Variants in NFATC1 observed in about 807,000 individuals in gnomAD.
NFATC1 encodes the protein nuclear factor of activated T cells 1, also known as nuclear factor of activated T-cells, cytoplasmic 1.
Under a neutral mutation model 76.0 loss-of-function variants are expected in NFATC1, and 22 were observed. The observed-to-expected ratio is 0.29, with a 90% CI of 0.21 to 0.41. The LOEUF (loss-of-function observed/expected upper bound fraction) is 0.41, where lower values mean the gene tolerates loss of function less well. NFATC1 is among the 10% of genes least tolerant of loss of function. NFATC1 has a pLI of 1.00. For synonymous variants in NFATC1, 704 were observed against 613.1 expected, an observed-to-expected ratio of 1.15 and a Z score of -2.19; for missense variants, 1,357 against 1,337.7, an observed-to-expected ratio of 1.01 and a Z score of -0.23.
In NFATC1 at chr18:79,528,189, C is replaced by T; in HGVS notation, c.*612C>T. The T allele has an allele frequency of 2.7e-6, 1 of 369,198 alleles. No homozygotes were observed. Among genetic ancestry groups the T allele is most frequent in the East Asian group, 3.9e-5 (1 of 25,478 alleles). The allele number at this position is 369,198 out of a possible 1,614,324, so 22.9% of individuals were successfully genotyped here. On this transcript the variant is annotated 3_prime_UTR_variant, in exon 10 of 10. Coordinates refer to ENST00000427363, the MANE Select transcript of NFATC1 (RefSeq NM_001278669.2). Reference sequence around the variant, plus strand: ...AATCTTCCAGTCTGTCATCTCAGCTCTTTTGTAACATGCTTCCCTTGTCTG... The same window carrying T: ...AATCTTCCAGTCTGTCATCTCAGCTTTTTTGTAACATGCTTCCCTTGTCTG...
chr18:79,402,091 T>G (rs1289915390), intron 1 of NFATC1, among the ~76,000 whole-genome samples: 1 of 152,162 alleles, frequency 6.6e-6, no homozygotes, highest in African/African-American at 2.4e-5. Context: ...GCACCCCCAG[T>G]GACAAGGGCC....
At chr18:79,456,702 C>T (rs576234531) in intron 6 of NFATC1, among the ~76,000 whole-genome samples, 2 of 152,206 alleles carry the variant, frequency 1.3e-5, no homozygotes, top group Admixed American at 6.5e-5. Flanking sequence ...AGGAGCGGGC[C>T]GAGGAGGAAG....
At chr18:79,458,030 C>T (rs977877849) in intron 6 of NFATC1, among the ~76,000 whole-genome samples, 9 of 152,350 alleles carry the variant, frequency 5.9e-5, no homozygotes, top group African/African-American at 1.9e-4. Context: ...GTGGAAAAGC[C>T]GCCATGAACC....
At chr18:79,492,960 C>G (rs2089732075) in intron 9 of NFATC1, among the ~76,000 whole-genome samples, 1 of 142,248 alleles carries the variant, frequency 7.0e-6, no homozygotes, top group Non-Finnish European at 1.5e-5. Flanking sequence ...TTTCTACTCC[C>G]AAGTTTTGTT....
At chr18:79,476,683 C>G (rs1324740618) in intron 8 of NFATC1, among the ~76,000 whole-genome samples, 1 of 152,220 alleles carries the variant, frequency 6.6e-6, no homozygotes, top group Non-Finnish European at 1.5e-5. Context: ...AAAGGGAATT[C>G]TCTCACCCCG....
chr18:79,498,076 GGA>G (rs1491012530), intron 9 of NFATC1: 10 of 143,708 alleles, frequency 7.0e-5, no homozygotes, highest in African/African-American at 1.5e-4. Context: ...TGGGGGGGGG[GGA>G]ATCTCATTTC....
intron 2 of NFATC1, chr18:79,422,247 G>A (rs1030065784): frequency 2.6e-5 from 4 of 152,226 alleles, no homozygotes; most frequent in Admixed American, 6.5e-5. Flanking sequence ...ATTAACTTGT[G>A]CAATATGACA....
chr18:79,453,226 C>T (rs912499836), intron 6 of NFATC1, among the ~76,000 whole-genome samples: 2 of 152,204 alleles, frequency 1.3e-5, no homozygotes, highest in Non-Finnish European at 2.9e-5. Context: ...CAAGACTGGC[C>T]AGAACCGTGG....
At chr18:79,507,974 T>C (rs901754126) in intron 9 of NFATC1, among the ~76,000 whole-genome samples, 4 of 152,346 alleles carry the variant, frequency 2.6e-5, no homozygotes, top group South Asian at 2.1e-4. Flanking sequence ...TTATGTACTT[T>C]CCCTTTTCCA....
Position 79,455,240 on chromosome 18 carries a change from C to T in NFATC1, c.1903+3424C>T, listed in dbSNP as rs576827065. On this transcript the variant is annotated intron_variant, in intron 6 of 9. Transcript: ENST00000427363. ...GTGTCGCTGCGCGGAAGCCACACTA[C>T]GACGCCGGGGGTGAAGACTCCCACT... Among the ~76,000 whole-genome samples, 19 of 152,360 alleles carry T rather than the reference C, an allele frequency of 1.2e-4. No individual in the cohort carries two copies. The East Asian group carries it at 2.1e-3, about 17-fold the overall frequency.
chr18:79,396,557 G>C (rs1253989658), intron 1 of NFATC1, among the ~76,000 whole-genome samples: 5 of 152,156 alleles, frequency 3.3e-5, no homozygotes, highest in Admixed American at 3.3e-4. Flanking sequence ...CGCGCCTTCT[G>C]CCAATAGGTG....
chr18:79,452,540 C>T (rs1245767308), intron 6 of NFATC1, among the ~76,000 whole-genome samples: 1 of 152,152 alleles, frequency 6.6e-6, no homozygotes, highest in East Asian at 1.9e-4. Context: ...CAGTTCCATG[C>T]AGACGCCGGG....
intron 1 of NFATC1, among the ~76,000 whole-genome samples, chr18:79,402,064 C>G (rs1298966303): frequency 7.9e-5 from 12 of 152,256 alleles, no homozygotes; most frequent in Non-Finnish European, 1.8e-4. Flanking sequence ...CTGTGTCTGG[C>G]TTGGCACGTG....
chr18:79,461,186 CG>C, intron 6 of NFATC1, 124 bp from the exon 7 acceptor site: 1 of 1,062,478 alleles, frequency 9.4e-7, no homozygotes, highest in South Asian at 1.4e-5. Context: ...GATGGGCCTA[CG>C]TGGGTCTCCT....
In NFATC1 at chr18:79,527,543, G is replaced by A. The variant is rs138427349; in HGVS notation, c.2798G>A (p.Arg933Gln). 4.4e-5 allele frequency: 71 copies of A among 1,613,922 alleles called. No individual in the cohort carries two copies. The highest frequency in any genetic ancestry group is 5.3e-5 in the African/African-American group (4 of 75,038). Residue 933 changes from arginine (R) to glutamine (Q), a missense_variant, in exon 10 of 10, where the codon CGA becomes CAA. Physicochemically the swap from Arg to Gln is conservative, Grantham distance 43 (BLOSUM62 1). Transcript: ENST00000427363. ...TTTCTTACAGTAAATGAAATAATAC[G>A]AAATGACCTCTCCAGCACGAGCACC... ...LYLDDVNEII[R>Q]NDLSSTSTHS
intron 2 of NFATC1, among the ~76,000 whole-genome samples, chr18:79,427,210 C>G (rs1032637898): frequency 6.6e-6 from 1 of 152,204 alleles, no homozygotes; most frequent in African/African-American, 2.4e-5. Flanking sequence ...GTAAAGTTTT[C>G]AAGACCCACG....
chr18:79,441,780 C>A (rs1017106230), intron 3 of NFATC1, among the ~76,000 whole-genome samples: 1 of 152,052 alleles, frequency 6.6e-6, no homozygotes, highest in Non-Finnish European at 1.5e-5. Flanking sequence ...CCTGGGGTCA[C>A]GGGGTTGCGG....
intron 2 of NFATC1, 102 bp downstream of exon 2, chr18:79,411,603 G>T: frequency 1.0e-6 from 1 of 961,478 alleles, no homozygotes; most frequent in South Asian, 4.7e-5. Flanking sequence ...GGCCGTGTCT[G>T]GGGACGAGAG....
chr18:79,406,087 G>A (rs1458144941), intron 1 of NFATC1, among the ~76,000 whole-genome samples: 2 of 152,240 alleles, frequency 1.3e-5, no homozygotes, highest in Non-Finnish European at 2.9e-5. Flanking sequence ...TCTGGGCTCC[G>A]TCACTGGCTG....
Sources: allele counts gnomAD v4.1 joint callset (sites outside exome capture counted in the v4.1 genomes callset), GRCh38; gene constraint gnomAD v4.1.1; transcripts MANE v1.5; gene names NCBI Gene and HGNC (gene_info 2026-07-23, HGNC 2026-07-21).